The following MYH10 variants were observed in gnomAD, a reference collection of about 807,000 sequenced individuals.
The protein encoded by MYH10 is myosin-10.
In MYH10, 55 loss-of-function variants were observed where a neutral mutation model predicts 257.8. The observed-to-expected ratio is 0.21, with a 90% CI of 0.17 to 0.27. The LOEUF is 0.27. Among genes scored for constraint, MYH10 ranks in the 10% least tolerant of loss-of-function variants. The pLI is 1.00. For missense variants in MYH10, 1,631 were observed against 2,500.6 expected (o/e 0.65, Z 7.42); for synonymous variants, 854 against 921.7 (o/e 0.93, Z 1.33).
At chr17:8,543,686 C>A (rs2097160925) in intron 13 of MYH10, among the ~76,000 whole-genome samples, 1 of 152,102 alleles carries the variant, frequency 6.6e-6, no homozygotes, top group Admixed American at 6.5e-5. Context: ...CTTGGACAGG[C>A]TGGTCTTGAA....
chr17:8,475,692 G>T lies in MYH10; in HGVS notation c.*112C>A. ...ATAGGCTGGAGAGCCTTAAGACACA[G>T]TTGATCTTTCAGGAAGGAATCCCGT... is the stretch of plus-strand genomic sequence containing the variant. On this transcript the variant is annotated 3_prime_UTR_variant, in exon 43 of 43. Transcript: ENST00000360416. 1 of 1,309,580 alleles carries T rather than the reference G, an allele frequency of 7.6e-7. No individual in the cohort carries two copies. Among genetic ancestry groups the T allele is most frequent in the Non-Finnish European group, 1.1e-6 (1 of 939,084 alleles). The allele number at this position is 1,309,580 out of a possible 1,614,324, so 81.1% of individuals were successfully genotyped here.
chr17:8,507,365 C>T (rs779386574), intron 26 of MYH10, among the ~76,000 whole-genome samples: 20 of 152,380 alleles, frequency 1.3e-4, no homozygotes, highest in South Asian at 2.1e-4. Flanking sequence ...CAGGCGCCTG[C>T]ACAGAGCTCC....
intron 3 of MYH10, 67 bp from the exon 4 acceptor site, chr17:8,589,175 T>C: frequency 1.3e-6 from 2 of 1,536,248 alleles, no homozygotes; most frequent in Non-Finnish European, 8.9e-7. Flanking sequence ...AAATATTTGA[T>C]ATAATAAAGT....
At chr17:8,600,150 G>A (rs2084536472) in intron 3 of MYH10, among the ~76,000 whole-genome samples, 1 of 152,154 alleles carries the variant, frequency 6.6e-6, no homozygotes, top group Admixed American at 6.5e-5. Context: ...AGCAACCCAA[G>A]TAACAGCATT....
intron 35 of MYH10, among the ~76,000 whole-genome samples, chr17:8,488,657 G>T (rs567903694): frequency 2.6e-5 from 4 of 152,274 alleles, no homozygotes; most frequent in Admixed American, 6.5e-5. Context: ...AGGCACCAAG[G>T]CTTGACGGAG....
chr17:8,610,352 G>A (rs2084987199), intron 2 of MYH10, among the ~76,000 whole-genome samples: 1 of 142,350 alleles, frequency 7.0e-6, no homozygotes, highest in South Asian at 2.4e-4. Flanking sequence ...ACTTTGGGAA[G>A]CCACGGTGGG....
rs1264493343 is a variant in MYH10, at chr17:8,569,567, T to C, written c.756+153A>G. ...CTTTTCAAATGTGACTACTAGAAAATTTAAAATTACATGTGAGCTTGTATT... is the reference window on the plus strand; with the variant it reads ...CTTTTCAAATGTGACTACTAGAAAACTTAAAATTACATGTGAGCTTGTATT... On this transcript the variant is annotated intron_variant, in intron 7 of 42. Coordinates refer to ENST00000360416, the MANE Select transcript of MYH10 (RefSeq NM_001256012.3). This position sits in a 1 kb window ranked among gnomAD's most constrained non-coding sequence, Gnocchi z 4.1. Among the ~76,000 whole-genome samples, 1 of 152,192 alleles carries C rather than the reference T, an allele frequency of 6.6e-6. No individual in the cohort carries two copies. Among genetic ancestry groups the C allele is most frequent in the Non-Finnish European group, 1.5e-5 (1 of 68,036 alleles).
intron 4 of MYH10, among the ~76,000 whole-genome samples, chr17:8,579,361 A>G (rs1204965359): frequency 6.6e-6 from 1 of 152,156 alleles, no homozygotes; most frequent in African/African-American, 2.4e-5. Context: ...TGGTTGCATT[A>G]TCTTCTTAAC....
At chr17:8,479,199 A>G (rs947284712) in intron 40 of MYH10, among the ~76,000 whole-genome samples, 2 of 152,176 alleles carry the variant, frequency 1.3e-5, no homozygotes, top group African/African-American at 2.4e-5. Flanking sequence ...CTAATTACCT[A>G]TTGTGATGTA....
chr17:8,493,260 CT>C lies in MYH10; in HGVS notation c.4210-237del, dbSNP rs1916057174. ...TGGGGAGGCTCAGGTGGGAGGATCA[CT>C]TGAGCCCAGGAGGTGGAGGCTGCAG... On this transcript the variant is annotated intron_variant, in intron 32 of 42. Transcript: ENST00000360416. Among the ~76,000 whole-genome samples, 2 of 151,752 alleles carry C rather than the reference CT, an allele frequency of 1.3e-5. 1 individual carries two copies. The highest frequency in any genetic ancestry group is 4.2e-4 in the South Asian group (2 of 4,808).
chr17:8,597,412 C>CTTATTTATATA (rs1429514446), intron 3 of MYH10, among the ~76,000 whole-genome samples: 2 of 150,980 alleles, frequency 1.3e-5, no homozygotes, highest in Non-Finnish European at 2.9e-5. Context: ...TACTTATATA[C>CTTATTTATATA]TTATTTATAT....
intron 3 of MYH10, among the ~76,000 whole-genome samples, chr17:8,590,944 C>T (rs2084112778): frequency 7.2e-6 from 1 of 139,690 alleles, no homozygotes; most frequent in Non-Finnish European, 1.5e-5. Context: ...GCAATCTCGG[C>T]TCACTGCAAG....
At chr17:8,578,243 C>CTTTTTTT (rs5819199) in intron 4 of MYH10, among the ~76,000 whole-genome samples, 1 of 129,218 alleles carries the variant, frequency 7.7e-6, no homozygotes, top group African/African-American at 2.9e-5. Context: ...TTCTTTCTTT[C>CTTTTTTT]TTTTTTTTTT....
chr17:8,615,205 G>A (rs998001266), intron 2 of MYH10, among the ~76,000 whole-genome samples: 9 of 152,014 alleles, frequency 5.9e-5, no homozygotes, highest in African/African-American at 1.7e-4. Flanking sequence ...CATGAGCCCA[G>A]GACTTCAAGG....
At chr17:8,502,287 T>A (rs912591136) in intron 28 of MYH10, among the ~76,000 whole-genome samples, 4 of 152,190 alleles carry the variant, frequency 2.6e-5, no homozygotes, top group African/African-American at 9.7e-5. Flanking sequence ...TGGTCGCATG[T>A]AGCCCAGCCA....
In MYH10 at chr17:8,603,379, C is replaced by A. The variant is rs768500095; in HGVS notation, c.502+1447G>T. On this transcript the variant is annotated intron_variant, in intron 3 of 42. Transcript: ENST00000360416. ...CATTGTTTTCAGACTGTTCTCTTAA[C>A]ATATTTTAAGCTCAAGGATTGGTTT... Among the ~76,000 whole-genome samples the A allele has an allele frequency of 2.0e-4, 31 of 152,266 alleles. 1 individual carries two copies. The highest frequency in any genetic ancestry group is 6.2e-4 in the South Asian group (3 of 4,822).
Position 8,487,414 on chromosome 17 carries a change from C to T in MYH10, c.5046+19G>A, listed in dbSNP as rs1192678472. 3.5e-5 allele frequency: 57 copies of T among 1,613,608 alleles called. No homozygotes were observed. The highest frequency in any genetic ancestry group is 6.6e-5 in the South Asian group (6 of 91,066). On this transcript the variant is annotated intron_variant, in intron 36 of 42. Coordinates refer to ENST00000360416, the MANE Select transcript of MYH10 (RefSeq NM_001256012.3). ...GTCACGTGGTGCCATCCAGAGACTCCATGGGTGAAGGCACATACCTGGAGC... is the reference window on the plus strand; with the variant it reads ...GTCACGTGGTGCCATCCAGAGACTCTATGGGTGAAGGCACATACCTGGAGC...
At position 8,552,518 on chromosome 17, in the gene MYH10, A is replaced by C. The variant is rs2082671943; in HGVS notation, c.821-374T>G. 6.6e-6 allele frequency among the ~76,000 whole-genome samples: 1 copy of C among 152,334 alleles called. No individual in the cohort carries two copies. The highest frequency in any genetic ancestry group is 2.1e-4 in the South Asian group (1 of 4,824). On this transcript the variant is annotated intron_variant, in intron 8 of 42. Coordinates refer to ENST00000360416, the MANE Select transcript of MYH10 (RefSeq NM_001256012.3). This position sits in a 1 kb window ranked among gnomAD's most constrained non-coding sequence, Gnocchi z 4.8. ...GAAGTACAGTTGTTTAAGGCAGGAG[A>C]AGCTCTATAATACCAGATTAACACA...
intron 4 of MYH10, among the ~76,000 whole-genome samples, chr17:8,579,052 G>T (rs1420404799): frequency 1.3e-5 from 2 of 152,118 alleles, no homozygotes; most frequent in Non-Finnish European, 2.9e-5. Context: ...CAAGGCCGGA[G>T]AATCGCTTTA....
Sources: allele counts gnomAD v4.1 joint callset (sites outside exome capture counted in the v4.1 genomes callset), GRCh38; gene constraint gnomAD v4.1.1; non-coding constraint Gnocchi (gnomAD v3.1); transcripts MANE v1.5; gene names NCBI Gene and HGNC (gene_info 2026-07-23, HGNC 2026-07-21).